Variants in CCDC73 observed in about 807,000 individuals in gnomAD.
The protein encoded by CCDC73 is coiled-coil domain containing 73.
In CCDC73, 95 loss-of-function variants were observed where a neutral mutation model predicts 116.5. The observed-to-expected ratio is 0.82, with a 90% CI of 0.69 to 0.97. The LOEUF is 0.97. Among genes scored for constraint, CCDC73 ranks in the 50% least tolerant of loss-of-function variants. The pLI is 0.00. For synonymous variants in CCDC73, 398 were observed against 401.3 expected, an observed-to-expected ratio of 0.99 and a Z score of 0.10; for missense variants, 1,066 against 1,206.8, an observed-to-expected ratio of 0.88 and a Z score of 1.73.
chr11:32,604,778 T>G (rs1374714724), intron 17 of CCDC73: 3 of 152,242 alleles, frequency 2.0e-5, no homozygotes, highest in Non-Finnish European at 4.4e-5. Context: ...CATTAAAATC[T>G]TTTTCAATTT....
chr11:32,711,484 T>C (rs1422363481), intron 3 of CCDC73, among the ~76,000 whole-genome samples: 1 of 151,340 alleles, frequency 6.6e-6, no homozygotes, highest in Non-Finnish European at 1.5e-5. Flanking sequence ...AATAATGGCA[T>C]TCACAGCAAC....
chr11:32,671,719 G>C (rs1020922196), intron 9 of CCDC73, among the ~76,000 whole-genome samples: 1 of 152,122 alleles, frequency 6.6e-6, no homozygotes, highest in African/African-American at 2.4e-5. Context: ...TCAGTTACTT[G>C]AACTTTGAAG....
intron 9 of CCDC73, among the ~76,000 whole-genome samples, chr11:32,667,657 A>G (rs1043724827): frequency 6.6e-6 from 1 of 152,126 alleles, no homozygotes; most frequent in Non-Finnish European, 1.5e-5. Flanking sequence ...TTGGTGGGCT[A>G]CACCCACTGC....
chr11:32,616,265 T>C, intron 14 of CCDC73, 136 bp from the exon 15 acceptor site: 1 of 893,064 alleles, frequency 1.1e-6, no homozygotes, highest in Non-Finnish European at 1.6e-6. Flanking sequence ...AATGATTTTT[T>C]AGTAAGTTTA....
intron 7 of CCDC73, chr11:32,680,103 C>T (rs1382788314): frequency 5.9e-5 from 9 of 152,250 alleles, no homozygotes; most frequent in Admixed American, 3.9e-4. Flanking sequence ...TAGTTTACTA[C>T]CCTGATTTAG....
chr11:32,748,752 A>T (rs1006257533), intron 2 of CCDC73, among the ~76,000 whole-genome samples: 7 of 152,186 alleles, frequency 4.6e-5, no homozygotes, highest in Non-Finnish European at 4.4e-5. Context: ...GTGTTAATGA[A>T]ATCCCTCAGC....
chr11:32,660,583 G>A (rs1214229437), intron 9 of CCDC73, among the ~76,000 whole-genome samples: 3 of 151,988 alleles, frequency 2.0e-5, no homozygotes, highest in Admixed American at 2.0e-4. Flanking sequence ...CCAGCACTTT[G>A]GGAGGCTGAG....
chr11:32,722,405 G>A (rs1027171025), intron 2 of CCDC73, among the ~76,000 whole-genome samples: 1 of 152,190 alleles, frequency 6.6e-6, no homozygotes, highest in South Asian at 2.1e-4. Flanking sequence ...GGCAGGGGAA[G>A]TACATTGGAT....
the CCDC73 span, among the ~76,000 whole-genome samples, chr11:32,823,879 G>A: frequency 6.6e-6 from 1 of 151,726 alleles, no homozygotes; most frequent in Non-Finnish European, 1.5e-5. Flanking sequence ...AATGTTTTTT[G>A]TTTGTTTGTT....
chr11:32,620,464 A>T (rs1415865902), intron 14 of CCDC73, among the ~76,000 whole-genome samples: 1 of 152,000 alleles, frequency 6.6e-6, no homozygotes, highest in East Asian at 1.9e-4. Context: ...AAAAAAAATT[A>T]GCCAGGCGTG....
In CCDC73 at chr11:32,614,641, A is replaced by G; in HGVS notation, c.1677T>C (p.Asp559=). Residue 559 remains aspartate, a synonymous_variant, in exon 16 of 18, where the codon GAT becomes GAC. Coordinates refer to ENST00000335185, the MANE Select transcript of CCDC73 (RefSeq NM_001008391.4). ...CCAGATTTACATCTGTATGGTGAAC[A>G]TCTAATCCTCTGGTTCTTTCTAGAT... ...KIHLERTRGL[D]VHHTDVNLEV... is the part of the protein sequence containing the mutation. 3.7e-6 allele frequency: 6 copies of G among 1,613,026 alleles called. No homozygotes were observed. The highest frequency in any genetic ancestry group is 5.1e-6 in the Non-Finnish European group (6 of 1,179,430).
intron 2 of CCDC73, among the ~76,000 whole-genome samples, chr11:32,739,479 T>C (rs1025512457): frequency 1.3e-5 from 2 of 152,282 alleles, no homozygotes; most frequent in South Asian, 2.1e-4. Context: ...GATTACTTTC[T>C]TGACTTCTTT....
chr11:32,607,328 G>A (rs1186671660), intron 17 of CCDC73, among the ~76,000 whole-genome samples: 6 of 151,062 alleles, frequency 4.0e-5, no homozygotes, highest in Admixed American at 6.6e-5. Context: ...TCCTGACCTC[G>A]TGATCCGCCC....
At chr11:32,737,686 T>C (rs552483921) in intron 2 of CCDC73, among the ~76,000 whole-genome samples, 5 of 152,244 alleles carry the variant, frequency 3.3e-5, no homozygotes, top group Admixed American at 2.6e-4. Context: ...ATCCTTTATG[T>C]TACAAATAAT....
chr11:32,734,489 T>C (rs1850110556), intron 2 of CCDC73, among the ~76,000 whole-genome samples: 1 of 149,566 alleles, frequency 6.7e-6, no homozygotes, highest in Admixed American at 6.8e-5. Flanking sequence ...TTTGGCAGGG[T>C]CATAGGACAA....
intron 6 of CCDC73, among the ~76,000 whole-genome samples, chr11:32,694,896 G>C (rs951392219): frequency 6.6e-6 from 1 of 152,290 alleles, no homozygotes; most frequent in African/African-American, 2.4e-5. Context: ...CTACAAAGTG[G>C]TGTGCCGCAG....
the CCDC73 span, among the ~76,000 whole-genome samples, chr11:32,824,115 G>A: frequency 0.027 from 4,111 of 152,056 alleles, 76 homozygotes; most frequent in South Asian, 0.036. Context: ...GGCTGGTCTC[G>A]AATTCCTGAC....
At chr11:32,751,913 A>G (rs1018271676) in intron 2 of CCDC73, among the ~76,000 whole-genome samples, 1 of 152,228 alleles carries the variant, frequency 6.6e-6, no homozygotes, top group African/African-American at 2.4e-5. Context: ...ACAATTCTGT[A>G]CAATGATCCG....
intron 7 of CCDC73, chr11:32,679,866 T>C (rs1490151677): frequency 3.9e-5 from 6 of 152,230 alleles, no homozygotes; most frequent in African/African-American, 1.4e-4. Context: ...GGAGATTTCA[T>C]GCATAGAGCT....
Sources: allele counts gnomAD v4.1 joint callset (sites outside exome capture counted in the v4.1 genomes callset), GRCh38; gene constraint gnomAD v4.1.1; transcripts MANE v1.5; gene names NCBI Gene and HGNC (gene_info 2026-07-23, HGNC 2026-07-21).